MCPH1: variants seen among roughly 807,000 people sequenced by gnomAD.
MCPH1 encodes microcephalin 1.
A neutral mutation model predicts 84.5 loss-of-function variants in MCPH1; 104 were observed. The ratio of observed to expected loss-of-function variants is 1.23; its 90% CI spans 1.05 to 1.45. The LOEUF (loss-of-function observed/expected upper bound fraction) is 1.45, where lower values mean the gene tolerates loss of function less well. Among genes scored for constraint, MCPH1 ranks in the 40% most tolerant of loss-of-function variants. MCPH1 has a pLI of 0.00. For synonymous variants in MCPH1, 514 were observed against 366.8 expected (o/e 1.40, Z -4.58); for missense variants, 1,498 against 1,005.7 (o/e 1.49, Z -6.62).
intron 12 of MCPH1, among the ~76,000 whole-genome samples, chr8:6,528,149 G>C (rs548414924): frequency 2.9e-4 from 44 of 152,186 alleles, no homozygotes; most frequent in African/African-American, 9.9e-4. Context: ...CACCTGCCTC[G>C]GCCTCCCATA....
intron 12 of MCPH1, among the ~76,000 whole-genome samples, chr8:6,551,215 G>A (rs1252207269): frequency 1.3e-5 from 2 of 150,664 alleles, no homozygotes; most frequent in Admixed American, 6.6e-5. Context: ...AGCTGAGAGG[G>A]CTGCTTATTC....
At chr8:6,613,717 C>T (rs1830514243) in intron 12 of MCPH1, among the ~76,000 whole-genome samples, 1 of 152,054 alleles carries the variant, frequency 6.6e-6, no homozygotes, top group Admixed American at 6.6e-5. Context: ...ACAGAGTCAT[C>T]AGGGCCGAGA....
At chr8:6,640,293 G>C (rs545286279) in intron 13 of MCPH1, among the ~76,000 whole-genome samples, 1 of 152,002 alleles carries the variant, frequency 6.6e-6, no homozygotes, top group Admixed American at 6.6e-5. Flanking sequence ...GATACACAAG[G>C]CTGCAGCAAT....
chr8:6,451,008 T>C (rs575386891), intron 8 of MCPH1, among the ~76,000 whole-genome samples: 4 of 152,296 alleles, frequency 2.6e-5, no homozygotes, highest in Admixed American at 2.6e-4. Context: ...GTGCCCAGCC[T>C]ATGGTATAGT....
chr8:6,559,127 G>C (rs1310332055), intron 12 of MCPH1, among the ~76,000 whole-genome samples: 1 of 152,066 alleles, frequency 6.6e-6, no homozygotes, highest in Non-Finnish European at 1.5e-5. Context: ...CAGTGGCTGT[G>C]AATGGGATGG....
rs181397822 is a variant in MCPH1 at position 6,566,977 on chromosome 8, C to T, written c.2215-54477C>T. On this transcript the variant is annotated intron_variant, in intron 12 of 13. Coordinates refer to ENST00000344683, the MANE Select transcript of MCPH1 (RefSeq NM_024596.5). Reference sequence around the variant, plus strand: ...TCGGCAAGGCCATGGATAGTACACGCGGTGCGGTGACGGTGTGTGATCGGC... The same window carrying T: ...TCGGCAAGGCCATGGATAGTACACGTGGTGCGGTGACGGTGTGTGATCGGC... 7.0e-3 allele frequency among the ~76,000 whole-genome samples: 841 copies of T among 119,304 alleles called. 56 individuals are homozygous for T. Among genetic ancestry groups the T allele is most frequent in the Non-Finnish European group, 0.011 (640 of 58,472 alleles). The allele number at this position is 119,304 out of a possible 152,430, so 78.3% of individuals were successfully genotyped here.
chr8:6,582,983 C>T (rs1013064942), intron 12 of MCPH1, among the ~76,000 whole-genome samples: 2 of 152,192 alleles, frequency 1.3e-5, no homozygotes, highest in African/African-American at 2.4e-5. Flanking sequence ...AAGTTCTGCA[C>T]GTACTTACTC....
intron 12 of MCPH1, among the ~76,000 whole-genome samples, chr8:6,517,146 A>G (rs142023124): frequency 3.3e-4 from 50 of 152,340 alleles, no homozygotes; most frequent in African/African-American, 1.2e-3. Context: ...AATTGATTAT[A>G]TCAGGATCAG....
intron 12 of MCPH1, among the ~76,000 whole-genome samples, chr8:6,548,071 A>T (rs956626161): frequency 1.3e-5 from 2 of 152,090 alleles, no homozygotes; most frequent in African/African-American, 2.4e-5. Context: ...TAGTGTCTTT[A>T]CTGAATCCCC....
At chr8:6,599,346 G>C (rs928199744) in intron 12 of MCPH1, among the ~76,000 whole-genome samples, 5 of 152,134 alleles carry the variant, frequency 3.3e-5, no homozygotes, top group African/African-American at 1.2e-4. Flanking sequence ...AGTTAGTCAG[G>C]GACTGCATGA....
chr8:6,500,892 T>C (rs972805952), intron 12 of MCPH1: 11 of 152,156 alleles, frequency 7.2e-5, no homozygotes, highest in Admixed American at 7.2e-4. Context: ...ACAAAGAGAA[T>C]TGATATAAAT....
intron 12 of MCPH1, among the ~76,000 whole-genome samples, chr8:6,608,901 G>A (rs909457533): frequency 6.6e-6 from 1 of 152,108 alleles, no homozygotes; most frequent in African/African-American, 2.4e-5. Context: ...TAATTAGCGT[G>A]GGGTGGGGCC....
At chr8:6,519,981 G>T (rs1218872499) in intron 12 of MCPH1, 1 of 1,613,970 alleles carries the variant, frequency 6.2e-7, no homozygotes, top group South Asian at 1.1e-5. Context: ...TAGCAACAGT[G>T]GGGTCCTTAG....
At chr8:6,478,907 A>C (rs943766773) in intron 10 of MCPH1, among the ~76,000 whole-genome samples, 1 of 152,238 alleles carries the variant, frequency 6.6e-6, no homozygotes, top group African/African-American at 2.4e-5. Flanking sequence ...GATATAATTC[A>C]GCCCTTTCAT....
intron 9 of MCPH1, among the ~76,000 whole-genome samples, chr8:6,464,635 C>T (rs569346354): frequency 6.8e-4 from 103 of 152,276 alleles, no homozygotes; most frequent in Admixed American, 1.1e-3. Context: ...AGGCCACCGA[C>T]GGAGGACATT....
chr8:6,581,304 C>T (rs1586702956), intron 12 of MCPH1, among the ~76,000 whole-genome samples: 1 of 152,216 alleles, frequency 6.6e-6, no homozygotes, highest in East Asian at 1.9e-4. Context: ...TCTGATTTTT[C>T]ACACACACAC....
At chr8:6,614,265 G>A (rs889170585) in intron 12 of MCPH1, among the ~76,000 whole-genome samples, 8 of 152,172 alleles carry the variant, frequency 5.3e-5, no homozygotes, top group South Asian at 2.1e-4. Context: ...TTGGCCGCTC[G>A]GACAGGACTC....
intron 8 of MCPH1, among the ~76,000 whole-genome samples, chr8:6,453,199 C>T (rs1275453120): frequency 6.6e-6 from 1 of 152,180 alleles, no homozygotes; most frequent in East Asian, 1.9e-4. Context: ...AAAGTGGAGT[C>T]CAACTAATCT....
intron 4 of MCPH1, among the ~76,000 whole-genome samples, chr8:6,434,033 T>C (rs757014599): frequency 1.3e-5 from 2 of 152,198 alleles, no homozygotes; most frequent in Non-Finnish European, 2.9e-5. Flanking sequence ...CCTATGGCTT[T>C]GTGCAGATGT....
Sources: gnomAD v4.1 joint callset for allele counts (sites outside exome capture counted in the v4.1 genomes callset) on GRCh38, gnomAD v4.1.1 for gene constraint, MANE v1.5 for transcripts, NCBI Gene and HGNC (gene_info 2026-07-23, HGNC 2026-07-21) for gene names.